Variants in SCAI observed in about 807,000 individuals in gnomAD.
The protein encoded by SCAI is protein SCAI.
SCAI carries 24 observed loss-of-function variants against 92.2 expected under a neutral mutation model. That is an observed-to-expected ratio of 0.26 (90% confidence interval 0.19 to 0.37). The LOEUF (loss-of-function observed/expected upper bound fraction) is 0.37, where lower values mean the gene tolerates loss of function less well. Ranked by LOEUF, SCAI falls within the 10% of genes least tolerant of loss-of-function variation. The probability of loss-of-function intolerance (pLI) is 1.00; values close to 1 mark genes in which losing one functional copy is unlikely to be tolerated. For missense variants in SCAI, 450 were observed against 736.2 expected, an observed-to-expected ratio of 0.61 and a Z score of 4.50; for synonymous variants, 261 against 258.6, an observed-to-expected ratio of 1.01 and a Z score of -0.09.
At chr9:125,052,229 C>G (rs1391778077) in intron 3 of SCAI, among the ~76,000 whole-genome samples, 1 of 152,124 alleles carries the variant, frequency 6.6e-6, no homozygotes, top group African/African-American at 2.4e-5. Context: ...ATAAGTTTAA[C>G]TTTATTAAAA....
At chr9:125,120,853 G>C (rs1835143315) in intron 2 of SCAI, among the ~76,000 whole-genome samples, 1 of 152,040 alleles carries the variant, frequency 6.6e-6, no homozygotes, top group Non-Finnish European at 1.5e-5. Flanking sequence ...CTGCACTCCA[G>C]CCTGAGTGAC....
chr9:125,025,882 T>G (rs987106309), intron 6 of SCAI, among the ~76,000 whole-genome samples: 2 of 152,234 alleles, frequency 1.3e-5, no homozygotes, highest in Non-Finnish European at 2.9e-5. Context: ...GTCAAAACTG[T>G]TTTCTTCTAT....
At chr9:125,034,748 AAAAC>A (rs1488457912) in intron 3 of SCAI, among the ~76,000 whole-genome samples, 2 of 152,084 alleles carry the variant, frequency 1.3e-5, no homozygotes, top group African/African-American at 4.8e-5. Flanking sequence ...ACCCTGTCTC[AAAAC>A]AAACAAACCC....
intron 2 of SCAI, among the ~76,000 whole-genome samples, chr9:125,097,955 A>G (rs1834594103): frequency 6.6e-6 from 1 of 151,604 alleles, no homozygotes; most frequent in Non-Finnish European, 1.5e-5. Flanking sequence ...TCCTCTAAGA[A>G]TATTCTTATA....
intron 13 of SCAI, among the ~76,000 whole-genome samples, chr9:124,997,149 C>T (rs73666664): frequency 0.016 from 2,414 of 152,132 alleles, 55 homozygotes; most frequent in African/African-American, 0.055. Context: ...AAATCCAAAA[C>T]GAAAAATGCT....
At position 125,142,664 on chromosome 9, in the gene SCAI, C is replaced by G; in HGVS notation, c.67G>C (p.Val23Leu). The G allele has an allele frequency of 6.2e-7, 1 of 1,613,868 alleles. No individual in the cohort carries two copies. Residue 23 changes from valine (V) to leucine (L), a missense_variant, in exon 2 of 18, where the codon GTG (valine) becomes CTG (leucine). This residue lies in a region of SCAI where 70 missense variants were observed against 66.3 expected (regional missense o/e 1.06). Transcript: ENST00000336505. ...CTCCGTTTTCGAGGCGGTTTCTCCA[C>G]TGTGCCAGTCAGTCTGCAGACCAAA... is the stretch of plus-strand genomic sequence containing the variant. ...SRLAPRLTGT[V>L]EKPPRKRRSR...
intron 17 of SCAI, chr9:124,968,340 G>GT (rs1463324249): frequency 8.2e-7 from 1 of 1,216,216 alleles, no homozygotes; most frequent in Non-Finnish European, 1.2e-6. Flanking sequence ...GTCCAGTTTG[G>GT]TTTTTAAGGC....
chr9:124,981,613 G>T (rs893178945), intron 14 of SCAI, among the ~76,000 whole-genome samples: 1 of 151,988 alleles, frequency 6.6e-6, no homozygotes, highest in Non-Finnish European at 1.5e-5. Context: ...GAAAGCATGT[G>T]ATTGTCTTAT....
At chr9:125,034,242 C>T (rs767687534) in intron 3 of SCAI, among the ~76,000 whole-genome samples, 13 of 152,184 alleles carry the variant, frequency 8.5e-5, no homozygotes, top group Non-Finnish European at 1.5e-4. Context: ...AGCTGGAAGA[C>T]AGAGGGCAAA....
chr9:125,081,488 G>C (rs964251606), intron 2 of SCAI, among the ~76,000 whole-genome samples: 4 of 152,214 alleles, frequency 2.6e-5, no homozygotes, highest in African/African-American at 9.6e-5. Context: ...GACCTTGACA[G>C]AGATGATTTA....
At chr9:125,138,324 C>T (rs1405015905) in intron 2 of SCAI, among the ~76,000 whole-genome samples, 2 of 145,158 alleles carry the variant, frequency 1.4e-5, no homozygotes, top group African/African-American at 2.6e-5. Context: ...GGTGCAATCT[C>T]GGCTCACTGC....
At chr9:125,139,673 C>T (rs1835619691) in intron 2 of SCAI, among the ~76,000 whole-genome samples, 1 of 152,036 alleles carries the variant, frequency 6.6e-6, no homozygotes, top group African/African-American at 2.4e-5. Flanking sequence ...TATGATTAGG[C>T]TAAAAGTCTG....
chr9:124,960,851 G>T (rs1831421826), intron 17 of SCAI, among the ~76,000 whole-genome samples: 1 of 152,178 alleles, frequency 6.6e-6, no homozygotes, highest in Admixed American at 6.5e-5. Flanking sequence ...GGGTCACAGT[G>T]GCTCATGCCT....
intron 2 of SCAI, among the ~76,000 whole-genome samples, chr9:125,117,644 C>T (rs1835074044): frequency 8.5e-6 from 1 of 118,220 alleles, no homozygotes; most frequent in South Asian, 2.8e-4. Context: ...CCAGTCTGGG[C>T]GACAGAGTGA....
At chr9:125,020,249 C>T (rs1214474677) in intron 7 of SCAI, among the ~76,000 whole-genome samples, 1 of 152,114 alleles carries the variant, frequency 6.6e-6, no homozygotes, top group Non-Finnish European at 1.5e-5. Flanking sequence ...CTCTTAATCA[C>T]CTCAGTTAAT....
intron 14 of SCAI, among the ~76,000 whole-genome samples, chr9:124,977,131 A>G (rs1289342395): frequency 6.6e-6 from 1 of 152,144 alleles, no homozygotes; most frequent in Non-Finnish European, 1.5e-5. Context: ...GGCCTCCCAA[A>G]ATGCTGGGAT....
chr9:125,109,940 G>A (rs566542459), intron 2 of SCAI, among the ~76,000 whole-genome samples: 3 of 151,976 alleles, frequency 2.0e-5, no homozygotes, highest in Non-Finnish European at 2.9e-5. Flanking sequence ...CACCCGCCTC[G>A]GCCTCCCAAA....
chr9:125,050,491 G>A (rs1287946091), intron 3 of SCAI, among the ~76,000 whole-genome samples: 1 of 151,978 alleles, frequency 6.6e-6, no homozygotes, highest in Non-Finnish European at 1.5e-5. Context: ...ACCACCACAG[G>A]GAACTTTAAG....
chr9:125,084,100 T>A (rs560028010), intron 2 of SCAI, among the ~76,000 whole-genome samples: 28 of 149,160 alleles, frequency 1.9e-4, no homozygotes, highest in East Asian at 9.8e-4. Context: ...GTAAAAAAAA[T>A]TTTTTTTAAC....
Sources: gnomAD v4.1 joint callset for allele counts (sites outside exome capture counted in the v4.1 genomes callset) on GRCh38, gnomAD v4.1.1 for gene constraint, gnomAD v4.1.1 regional missense constraint, MANE v1.5 for transcripts, NCBI Gene and HGNC (gene_info 2026-07-23, HGNC 2026-07-21) for gene names.